Variants in KCNIP4 observed in about 807,000 individuals in gnomAD.
KCNIP4 encodes Kv channel-interacting protein 4.
In KCNIP4, 12 loss-of-function variants were observed where a neutral mutation model predicts 34.0. The observed-to-expected ratio is 0.35, with a 90% CI of 0.23 to 0.57. KCNIP4 has a LOEUF of 0.57. Ranked by LOEUF, KCNIP4 falls within the 20% of genes least tolerant of loss-of-function variation. KCNIP4 has a pLI of 0.83. For synonymous variants in KCNIP4, 124 were observed against 102.2 expected (o/e 1.21, Z -1.29); for missense variants, 238 against 311.7 (o/e 0.76, Z 1.78).
intron 1 of KCNIP4, among the ~76,000 whole-genome samples, chr4:21,110,146 T>C (rs569539875): frequency 3.3e-5 from 5 of 152,320 alleles, no homozygotes; most frequent in African/African-American, 1.2e-4. Context: ...AGTTTATAAG[T>C]TGTTGCACTT....
At chr4:21,254,425 C>G (rs1297600584) in intron 1 of KCNIP4, among the ~76,000 whole-genome samples, 1 of 152,110 alleles carries the variant, frequency 6.6e-6, no homozygotes, top group East Asian at 1.9e-4. Context: ...ATGCATATTC[C>G]CAGTCTTCAC....
intron 3 of KCNIP4, among the ~76,000 whole-genome samples, chr4:20,772,787 G>A (rs1249057197): frequency 6.6e-6 from 1 of 151,670 alleles, no homozygotes; most frequent in Non-Finnish European, 1.5e-5. Context: ...GATTACAGGC[G>A]CCCGCCACGA....
chr4:21,862,847 G>T (rs1290981228), intron 1 of KCNIP4, among the ~76,000 whole-genome samples: 1 of 151,992 alleles, frequency 6.6e-6, no homozygotes, highest in Non-Finnish European at 1.5e-5. Context: ...TGTAGTCCCA[G>T]CTACTCGGGA....
chr4:20,729,447 C>T lies in KCNIP4; in HGVS notation c.*635G>A, dbSNP rs1747217972. Reference sequence around the variant, plus strand: ...GCTTATTAAAATAAGTTTTATTAGGCATATGCTGATATCTGATAATAAACT... The same window carrying T: ...GCTTATTAAAATAAGTTTTATTAGGTATATGCTGATATCTGATAATAAACT... On this transcript the variant is annotated 3_prime_UTR_variant, in exon 9 of 9. Coordinates refer to ENST00000382152, the MANE Select transcript of KCNIP4 (RefSeq NM_025221.6). 1 of 139,568 alleles carries T rather than the reference C, an allele frequency of 7.2e-6. No homozygotes were observed. The highest frequency in any genetic ancestry group is 1.6e-5 in the Non-Finnish European group (1 of 62,480). The allele number at this position is 139,568 out of a possible 1,614,324, so 8.6% of individuals were successfully genotyped here.
At chr4:20,750,445 G>C (rs1259869479) in intron 4 of KCNIP4, among the ~76,000 whole-genome samples, 4 of 152,130 alleles carry the variant, frequency 2.6e-5, no homozygotes, top group Non-Finnish European at 4.4e-5. Flanking sequence ...ATGAAGTAGG[G>C]AGCCCCTACT....
chr4:21,230,385 T>G (rs1758704949), intron 1 of KCNIP4, among the ~76,000 whole-genome samples: 1 of 152,188 alleles, frequency 6.6e-6, no homozygotes, highest in Admixed American at 6.5e-5. Flanking sequence ...GTGCAGGATG[T>G]GCAGGTTTGT....
At chr4:21,768,464 A>G (rs1348387663) in intron 1 of KCNIP4, among the ~76,000 whole-genome samples, 2 of 152,096 alleles carry the variant, frequency 1.3e-5, no homozygotes, top group Non-Finnish European at 2.9e-5. Context: ...ACAATTCTGC[A>G]TATCAAGGAA....
At chr4:21,888,706 A>T (rs973345588) in intron 1 of KCNIP4, among the ~76,000 whole-genome samples, 2 of 152,020 alleles carry the variant, frequency 1.3e-5, no homozygotes, top group African/African-American at 4.8e-5. Context: ...ATAACTGTCC[A>T]CACCTTCTGA....
chr4:21,183,781 A>G (rs757012845), intron 1 of KCNIP4, among the ~76,000 whole-genome samples: 5 of 151,990 alleles, frequency 3.3e-5, no homozygotes, highest in Non-Finnish European at 4.4e-5. Context: ...CTTGCCTTGG[A>G]ACTTGCTGTT....
chr4:21,869,474 T>G (rs1725630928), intron 1 of KCNIP4, among the ~76,000 whole-genome samples: 1 of 152,118 alleles, frequency 6.6e-6, no homozygotes, highest in South Asian at 2.1e-4. Flanking sequence ...CTATTCATTC[T>G]CCTCCTAGGT....
intron 1 of KCNIP4, among the ~76,000 whole-genome samples, chr4:21,664,368 G>A (rs1449069726): frequency 6.6e-6 from 1 of 151,344 alleles, no homozygotes; most frequent in Non-Finnish European, 1.5e-5. Flanking sequence ...AAAAAACAGA[G>A]GCAACCAAAA....
In KCNIP4 at chr4:20,806,050, C is replaced by T. The variant is rs899685418; in HGVS notation, c.288+44493G>A. ...TGAATTATGTTTTTAAATAATAATTCTGTTCCATTATTTCTAGTTTCCTTT... is the reference window on the plus strand; with the variant it reads ...TGAATTATGTTTTTAAATAATAATTTTGTTCCATTATTTCTAGTTTCCTTT... On this transcript the variant is annotated intron_variant, in intron 3 of 8. Transcript: ENST00000382152. Among the ~76,000 whole-genome samples, 7 of 151,940 alleles carry T rather than the reference C, an allele frequency of 4.6e-5. 1 individual carries two copies. Among genetic ancestry groups the T allele is most frequent in the Non-Finnish European group, 1.0e-4 (7 of 67,930 alleles).
At chr4:21,667,084 C>A (rs1458069307) in intron 1 of KCNIP4, among the ~76,000 whole-genome samples, 2 of 152,170 alleles carry the variant, frequency 1.3e-5, no homozygotes, top group Non-Finnish European at 2.9e-5. Flanking sequence ...TCCAGACACA[C>A]CCCATGGAGA....
intron 1 of KCNIP4, among the ~76,000 whole-genome samples, chr4:20,928,561 C>T (rs1159068913): frequency 1.3e-5 from 2 of 150,082 alleles, no homozygotes; most frequent in Non-Finnish European, 3.0e-5. Context: ...CCTCAAGAAA[C>T]TAAAAAAAAG....
chr4:21,091,988 G>C (rs1560712892), intron 1 of KCNIP4, among the ~76,000 whole-genome samples: 1 of 152,064 alleles, frequency 6.6e-6, no homozygotes, highest in Admixed American at 6.6e-5. Context: ...GACTCAGATA[G>C]GCTCAGCAAC....
intron 1 of KCNIP4, among the ~76,000 whole-genome samples, chr4:21,767,340 C>A (rs1198337273): frequency 1.3e-5 from 2 of 151,838 alleles, no homozygotes; most frequent in African/African-American, 4.8e-5. Flanking sequence ...TGGGGCAGAG[C>A]TGATACATGT....
At chr4:21,438,923 G>A (rs1727194854) in intron 1 of KCNIP4, among the ~76,000 whole-genome samples, 1 of 152,154 alleles carries the variant, frequency 6.6e-6, no homozygotes, top group Non-Finnish European at 1.5e-5. Flanking sequence ...AGCACTTTGG[G>A]AGGCCGAGGT....
intron 1 of KCNIP4, among the ~76,000 whole-genome samples, chr4:21,714,813 T>G (rs1361954817): frequency 8.5e-3 from 3 of 352 alleles, no homozygotes; most frequent in Admixed American, 0.05. Context: ...TATTTTATTT[T>G]ATTTTATTTT....
chr4:21,543,346 C>T (rs76784721), intron 1 of KCNIP4, among the ~76,000 whole-genome samples: 12,101 of 152,014 alleles, frequency 0.08, 503 homozygotes, highest in East Asian at 0.1. Context: ...TTTCTAAAAA[C>T]TGTAATTTCA....
Sources: allele counts gnomAD v4.1 joint callset (sites outside exome capture counted in the v4.1 genomes callset), GRCh38; gene constraint gnomAD v4.1.1; transcripts MANE v1.5; gene names NCBI Gene and HGNC (gene_info 2026-07-23, HGNC 2026-07-21).